The following TENM3 variants were observed in gnomAD, a reference collection of about 807,000 sequenced individuals.
TENM3 encodes teneurin transmembrane protein 3, also known as teneurin-3.
In TENM3, 63 loss-of-function variants were observed where a neutral mutation model predicts 255.1. The observed-to-expected ratio is 0.25, with a 90% CI of 0.20 to 0.30. The LOEUF is 0.30. TENM3 is among the 10% of genes least tolerant of loss of function. The pLI is 1.00. For missense variants in TENM3, 2,929 were observed against 3,461.1 expected (o/e 0.85, Z 3.86); for synonymous variants, 1,306 against 1,322.3 (o/e 0.99, Z 0.27).
intron 3 of TENM3, among the ~76,000 whole-genome samples, chr4:182,520,542 A>C (rs1402129153): frequency 1.3e-5 from 2 of 152,204 alleles, no homozygotes; most frequent in Non-Finnish European, 2.9e-5. Context: ...TTCACATATT[A>C]GCTTTTTCAA....
chr4:182,695,741 A>G (rs1757353695), intron 12 of TENM3, among the ~76,000 whole-genome samples: 1 of 152,240 alleles, frequency 6.6e-6, no homozygotes, highest in South Asian at 2.1e-4. Flanking sequence ...AACAGAAGCT[A>G]GTCTGGAAAA....
the TENM3 span, among the ~76,000 whole-genome samples, chr4:181,994,631 T>C: frequency 1.3e-5 from 2 of 151,208 alleles, no homozygotes; most frequent in African/African-American, 2.4e-5. Flanking sequence ...AATAGTTGTA[T>C]TGATAAAATC....
At chr4:182,798,417 G>A (rs1766655453) in intron 27 of TENM3, among the ~76,000 whole-genome samples, 1 of 152,200 alleles carries the variant, frequency 6.6e-6, no homozygotes, top group Non-Finnish European at 1.5e-5. Context: ...CAGGTTTGCA[G>A]CCTAGAAGCC....
At chr4:181,588,975 C>G in the TENM3 span, among the ~76,000 whole-genome samples, 5 of 152,106 alleles carry the variant, frequency 3.3e-5, no homozygotes, top group African/African-American at 9.7e-5. Flanking sequence ...TAAAATTATC[C>G]TCCTTATTCC....
At chr4:182,497,882 A>ATC (rs1735953978) in intron 3 of TENM3, among the ~76,000 whole-genome samples, 1 of 135,096 alleles carries the variant, frequency 7.4e-6, no homozygotes, top group African/African-American at 2.7e-5. Flanking sequence ...ATATATATAT[A>ATC]TCTCAACCTA....
At chr4:182,454,829 T>C (rs893610113) in intron 3 of TENM3, among the ~76,000 whole-genome samples, 1 of 152,204 alleles carries the variant, frequency 6.6e-6, no homozygotes, top group Admixed American at 6.5e-5. Flanking sequence ...TTAAACGCAG[T>C]ACAAGAGCTA....
At chr4:182,599,757 A>G (rs1406478428) in intron 3 of TENM3, among the ~76,000 whole-genome samples, 1 of 152,168 alleles carries the variant, frequency 6.6e-6, no homozygotes, top group Non-Finnish European at 1.5e-5. Context: ...TGTGTTTCCT[A>G]TTCTTTGTTA....
At chr4:181,684,678 A>G in the TENM3 span, among the ~76,000 whole-genome samples, 2 of 152,184 alleles carry the variant, frequency 1.3e-5, no homozygotes, top group Non-Finnish European at 2.9e-5. Context: ...ACTGAGATAA[A>G]TAAAAAGTGG....
chr4:181,561,604 G>T, the TENM3 span, among the ~76,000 whole-genome samples: 2 of 152,052 alleles, frequency 1.3e-5, no homozygotes. Context: ...TACACTCTAT[G>T]ACACTAGTTT....
In TENM3 at chr4:182,754,399, GC is replaced by G; in HGVS notation, c.4035del (p.Thr1346LeufsTer3). On this transcript the variant is annotated frameshift_variant, in exon 22 of 28. Coordinates refer to ENST00000511685, the MANE Select transcript of TENM3 (RefSeq NM_001080477.4). LOFTEE classifies it high-confidence loss of function. The surrounding 1 kb of genome is among the most constrained non-coding windows in gnomAD (Gnocchi z 5.1). Reference protein sequence around the residue: ...MHISQVRLEWPTDLAINPMDN... With the variant: ...MHISQVRLEWXTDLAINPMDN... ...TTTTTATTAAGGTACGTCTGGAATGGCCCACTGACCTAGCCATTAACCCTAT... is the reference window on the plus strand; with the variant it reads ...TTTTTATTAAGGTACGTCTGGAATGGCCACTGACCTAGCCATTAACCCTAT... The G allele has an allele frequency of 6.2e-7, 1 of 1,602,038 alleles. No homozygotes were observed. Among genetic ancestry groups the G allele is most frequent in the Non-Finnish European group, 8.5e-7 (1 of 1,173,030 alleles).
the TENM3 span, among the ~76,000 whole-genome samples, chr4:182,007,316 A>G: frequency 3.4e-4 from 52 of 152,048 alleles, no homozygotes; most frequent in Non-Finnish European, 1.3e-4. Context: ...TAATACTGAC[A>G]GTGGGGTGTT....
the TENM3 span, among the ~76,000 whole-genome samples, chr4:181,920,258 T>A: frequency 0.018 from 2,776 of 151,792 alleles, 81 homozygotes; most frequent in African/African-American, 0.063. Flanking sequence ...CAGTAATGGG[T>A]TGGCTGGGTC....
At chr4:182,560,054 C>A in intron 3 of TENM3, among the ~76,000 whole-genome samples, 2 of 149,948 alleles carry the variant, frequency 1.3e-5, no homozygotes, top group East Asian at 2.0e-4. Flanking sequence ...TATTATGTAC[C>A]TATAAAAATT....
chr4:182,403,500 G>A (rs1769343691), intron 3 of TENM3, among the ~76,000 whole-genome samples: 4 of 152,120 alleles, frequency 2.6e-5, no homozygotes, highest in Admixed American at 2.6e-4. Flanking sequence ...GACAGATAGG[G>A]ACACACTATC....
chr4:182,072,297 C>T, the TENM3 span, among the ~76,000 whole-genome samples: 1 of 152,188 alleles, frequency 6.6e-6, no homozygotes, highest in East Asian at 1.9e-4. Flanking sequence ...CATTAGGTCT[C>T]CACTGCACTC....
Position 182,567,520 on chromosome 4 carries a change from C to T in TENM3, c.512-33404C>T, listed in dbSNP as rs1243938463. On this transcript the variant is annotated intron_variant, in intron 3 of 27. Coordinates refer to ENST00000511685, the MANE Select transcript of TENM3 (RefSeq NM_001080477.4). ...CTTCCAGATTCTACATGACCTGGCT[C>T]CTGTTACCTCTGAACCTCCTCTCCT... 2.0e-5 allele frequency among the ~76,000 whole-genome samples: 3 copies of T among 152,236 alleles called. No individual in the cohort carries two copies. In the East Asian group the frequency reaches 5.8e-4, roughly 29 times the overall value.
chr4:182,489,080 A>G (rs1262518155), intron 3 of TENM3, among the ~76,000 whole-genome samples: 3 of 152,192 alleles, frequency 2.0e-5, no homozygotes, highest in African/African-American at 7.2e-5. Context: ...TTTTCTGGAC[A>G]TAAGATACTT....
At chr4:182,367,584 T>G (rs1287284839) in intron 3 of TENM3, among the ~76,000 whole-genome samples, 1 of 151,010 alleles carries the variant, frequency 6.6e-6, no homozygotes, top group African/African-American at 2.4e-5. Flanking sequence ...AGAAGAAGAG[T>G]GAAAAGCCAA....
chr4:181,465,859 A>T, the TENM3 span, among the ~76,000 whole-genome samples: 1 of 152,118 alleles, frequency 6.6e-6, no homozygotes, highest in Non-Finnish European at 1.5e-5. Flanking sequence ...TCACAGAGTG[A>T]AGGACTGGGA....
Sources: gnomAD v4.1 joint callset for allele counts (sites outside exome capture counted in the v4.1 genomes callset) on GRCh38, gnomAD v4.1.1 for gene constraint, Gnocchi (gnomAD v3.1) non-coding constraint, MANE v1.5 for transcripts, NCBI Gene and HGNC (gene_info 2026-07-23, HGNC 2026-07-21) for gene names.